UVSSA: variants seen among roughly 807,000 people sequenced by gnomAD.
UVSSA encodes the protein UV stimulated scaffold protein A, also known as UV-stimulated scaffold protein A.
In UVSSA, 72 loss-of-function variants were observed where a neutral mutation model predicts 73.9. That is an observed-to-expected ratio of 0.97 (90% confidence interval 0.81 to 1.19). The LOEUF (loss-of-function observed/expected upper bound fraction) is 1.19. Ranked by LOEUF, UVSSA falls within the 50% of genes most tolerant of loss-of-function variation. The pLI is 0.00. For missense variants in UVSSA, 1,150 were observed against 965.0 expected, an observed-to-expected ratio of 1.19 and a Z score of -2.54; for synonymous variants, 454 against 391.3, an observed-to-expected ratio of 1.16 and a Z score of -1.89.
At chr4:1,345,599 C>T (rs1386756881), upstream of UVSSA, among the ~76,000 whole-genome samples, 1 of 137,972 alleles carries the variant, frequency 7.2e-6, no homozygotes, top group South Asian at 2.4e-4. Flanking sequence ...GAACCGCGAT[C>T]GTGCCACTGC....
At chr4:1,395,772 C>T (rs1720537075) in exon 14 of UVSSA, 1 of 1,614,232 alleles carries the variant, frequency 6.2e-7, no homozygotes, top group Non-Finnish European at 8.5e-7. Context: ...TGTTACCGTA[C>T]ATTCTACTCA....
chr4:1,361,427 C>T (rs998781128), intron 7 of UVSSA, among the ~76,000 whole-genome samples: 1 of 151,908 alleles, frequency 6.6e-6, no homozygotes, highest in African/African-American at 2.4e-5. Context: ...AGTAAAGAAC[C>T]AGTCATTCTA....
chr4:1,360,459 A>G (rs908126787), intron 7 of UVSSA, among the ~76,000 whole-genome samples: 9 of 152,194 alleles, frequency 5.9e-5, no homozygotes. Context: ...TTTTACAGAC[A>G]GGGAAGCTGA....
At chr4:1,357,564 G>C (rs1409002807) in intron 7 of UVSSA, among the ~76,000 whole-genome samples, 1 of 152,256 alleles carries the variant, frequency 6.6e-6, no homozygotes, top group Admixed American at 6.5e-5. Context: ...CCCGAGTCAG[G>C]ACTCTAATTC....
chr4:1,367,402 A>G (rs1182640413), intron 8 of UVSSA, among the ~76,000 whole-genome samples: 1 of 152,208 alleles, frequency 6.6e-6, no homozygotes, highest in Non-Finnish European at 1.5e-5. Context: ...AGAGTCTGTA[A>G]GAAGAGATGT....
At chr4:1,371,069 A>G (rs1577347620) in intron 8 of UVSSA, among the ~76,000 whole-genome samples, 1 of 152,184 alleles carries the variant, frequency 6.6e-6, no homozygotes, top group East Asian at 1.9e-4. Flanking sequence ...CACATTGGTA[A>G]GTGGAGGCAC....
At chr4:1,348,889 C>A (rs566725679) in intron 2 of UVSSA, among the ~76,000 whole-genome samples, 1 of 152,174 alleles carries the variant, frequency 6.6e-6, no homozygotes, top group Non-Finnish European at 1.5e-5. Flanking sequence ...GGAGATGTCC[C>A]GAGCTCTAGG....
upstream of UVSSA, among the ~76,000 whole-genome samples, chr4:1,345,791 T>C (rs1171758040): frequency 1.3e-5 from 2 of 151,048 alleles, no homozygotes; most frequent in African/African-American, 2.4e-5. Context: ...GACTTAGCAA[T>C]TGGTAAGAAA....
upstream of UVSSA, among the ~76,000 whole-genome samples, chr4:1,342,612 T>C (rs1334753329): frequency 1.3e-5 from 2 of 152,244 alleles, no homozygotes; most frequent in Non-Finnish European, 2.9e-5. Context: ...TCCAGAAGAT[T>C]CAGTTTCGGC....
In UVSSA at chr4:1,351,855, G is replaced by C. The variant is rs1189726017; in HGVS notation, c.550+20G>C. 4 of 1,611,476 alleles carry C rather than the reference G, an allele frequency of 2.5e-6. No homozygotes were observed. Among genetic ancestry groups the C allele is most frequent in the Non-Finnish European group, 2.5e-6 (3 of 1,178,586 alleles). On this transcript the variant is annotated intron_variant, in intron 4 of 13. Coordinates refer to ENST00000389851, the MANE Select transcript of UVSSA (RefSeq NM_020894.4). ...TGCAAGGCAAGTGTCCAGGACGGAG[G>C]GAGGGGCCCACGCCTCTGAGGGTTG...
At chr4:1,347,149 C>T (rs1577263979), upstream of UVSSA, 2 of 152,266 alleles carry the variant, frequency 1.3e-5, no homozygotes, top group South Asian at 4.1e-4. Flanking sequence ...CAGCCAATGG[C>T]GGTAGAGGTC....
chr4:1,395,898 T>C (rs773538135), exon 14 of UVSSA: 1 of 1,591,324 alleles, frequency 6.3e-7, no homozygotes, highest in Middle Eastern at 1.7e-4. Context: ...TTTTGTAAAA[T>C]TGAATTCAGG....
chr4:1,373,979 G>A (rs889185152), intron 8 of UVSSA, among the ~76,000 whole-genome samples: 2 of 152,230 alleles, frequency 1.3e-5, no homozygotes, highest in Non-Finnish European at 2.9e-5. Flanking sequence ...TGGGGAGCGT[G>A]GCATGGGCTG....
intron 5 of UVSSA, chr4:1,354,506 T>C (rs1577298780): frequency 3.6e-6 from 2 of 548,928 alleles, no homozygotes; most frequent in Non-Finnish European, 6.6e-6. Flanking sequence ...ACACAGGCAG[T>C]GGAGCTGCGT....
At chr4:1,382,279 T>C (rs1157085430) in intron 12 of UVSSA, among the ~76,000 whole-genome samples, 1 of 152,246 alleles carries the variant, frequency 6.6e-6, no homozygotes, top group African/African-American at 2.4e-5. Flanking sequence ...GTATCTGGTT[T>C]TCCAGCCCTT....
chr4:1,374,675 C>T (rs1262726201), intron 8 of UVSSA, among the ~76,000 whole-genome samples: 1 of 152,244 alleles, frequency 6.6e-6, no homozygotes, highest in South Asian at 2.1e-4. Context: ...GGAATTCAGC[C>T]TCTGCCTGGC....
chr4:1,377,308 TCA>T (rs1019150692), intron 10 of UVSSA, among the ~76,000 whole-genome samples: 1 of 151,984 alleles, frequency 6.6e-6, no homozygotes, highest in Non-Finnish European at 1.5e-5. Context: ...TCTGCTGGGC[TCA>T]CACACGACAC....
At chr4:1,376,521 G>A (rs185610092) in intron 10 of UVSSA, among the ~76,000 whole-genome samples, 65 of 152,336 alleles carry the variant, frequency 4.3e-4, no homozygotes, top group African/African-American at 1.5e-3. Context: ...GTTGGCTGAG[G>A]CCTGGGGCTT....
In UVSSA at chr4:1,395,482, C is replaced by T. The variant is rs762772763; in HGVS notation, c.*9521C>T. 6 of 1,597,328 alleles carry T rather than the reference C, an allele frequency of 3.8e-6. No individual in the cohort carries two copies. The Admixed American group carries it at 8.5e-5, about 23-fold the overall frequency. On this transcript the variant is annotated 3_prime_UTR_variant, in exon 14 of 14. Transcript: ENST00000511216. ...CATATGGAGTGCCCGCCTGCTCACA[C>T]GTGCCATTGTGGAGTGCCCGCCTGC...
Sources: allele counts gnomAD v4.1 joint callset (sites outside exome capture counted in the v4.1 genomes callset), GRCh38; gene constraint gnomAD v4.1.1; transcripts MANE v1.5; gene names NCBI Gene and HGNC (gene_info 2026-07-23, HGNC 2026-07-21).